Variants in GRIA3 observed in about 807,000 individuals in gnomAD.
GRIA3 encodes glutamate receptor 3.
In GRIA3, 3 loss-of-function variants were observed where a neutral mutation model predicts 63.0. The observed-to-expected ratio is 0.05, with a 90% CI of 0.02 to 0.12. The LOEUF (loss-of-function observed/expected upper bound fraction) is 0.12, where lower values mean the gene tolerates loss of function less well. Ranked by LOEUF, GRIA3 falls within the 10% of genes least tolerant of loss-of-function variation. The pLI, the probability that GRIA3 is intolerant of heterozygous loss-of-function variation, is 1.00. For synonymous variants in GRIA3, 274 were observed against 257.9 expected, an observed-to-expected ratio of 1.06 and a Z score of -0.60; for missense variants, 347 against 700.9, an observed-to-expected ratio of 0.50 and a Z score of 5.70.
chrX:123,443,282 C>T (rs1433991486), intron 12 of GRIA3, among the ~76,000 whole-genome samples: 1 of 112,114 alleles, frequency 8.9e-6, no homozygotes, highest in Admixed American at 9.4e-5. Context: ...GAAAGGTTTA[C>T]AATTTTGATC....
intron 12 of GRIA3, 56 bp downstream of exon 12, chrX:123,428,195 A>C: frequency 1.2e-6 from 1 of 815,861 alleles, no homozygotes. Context: ...ATCTTCTCAC[A>C]AAGGCAAGTT....
intron 5 of GRIA3, among the ~76,000 whole-genome samples, chrX:123,383,649 G>T: frequency 9.0e-6 from 1 of 111,108 alleles, no homozygotes; most frequent in Admixed American, 9.5e-5. Flanking sequence ...TGTCCATTGT[G>T]TGTATATACC....
intron 10 of GRIA3, among the ~76,000 whole-genome samples, chrX:123,412,634 T>C (rs2045513323): frequency 9.0e-6 from 1 of 111,599 alleles, no homozygotes; most frequent in Admixed American, 9.5e-5. Flanking sequence ...AGTTGCTAAG[T>C]CTCCTACCAA....
intron 3 of GRIA3, among the ~76,000 whole-genome samples, chrX:123,279,733 T>G (rs1009698366): frequency 9.0e-6 from 1 of 110,913 alleles, no homozygotes; most frequent in Non-Finnish European, 1.9e-5. Flanking sequence ...CCCAGCAGAA[T>G]AGCACAACAA....
At chrX:123,186,885 A>T (rs1478931776) in intron 2 of GRIA3, among the ~76,000 whole-genome samples, 2 of 112,085 alleles carry the variant, frequency 1.8e-5, no homozygotes, top group Non-Finnish European at 3.8e-5. Flanking sequence ...TATTCCTCTG[A>T]AAAGGGGACA....
chrX:123,288,993 A>T lies in GRIA3; in HGVS notation c.508+35451A>T, dbSNP rs535409436. Among the ~76,000 whole-genome samples the T allele has an allele frequency of 2.6e-3, 294 of 112,212 alleles. 1 individual carries two copies. The highest frequency in any genetic ancestry group is 8.6e-3 in the African/African-American group (265 of 30,868). On this transcript the variant is annotated intron_variant, in intron 3 of 15. Transcript: ENST00000620443. ...ACGTATGTTTATTGCAGCACTATTC[A>T]CAATAGCAAAGACTTGGAACCCACC...
intron 4 of GRIA3, among the ~76,000 whole-genome samples, chrX:123,354,363 C>T (rs2045118735): frequency 8.9e-6 from 1 of 111,915 alleles, no homozygotes; most frequent in South Asian, 3.7e-4. Flanking sequence ...AAAAGATGTA[C>T]AAGCGATTAC....
intron 5 of GRIA3, among the ~76,000 whole-genome samples, chrX:123,367,415 C>G (rs1302709175): frequency 9.1e-6 from 1 of 109,770 alleles, no homozygotes; most frequent in Non-Finnish European, 1.9e-5. Context: ...TGTGGGTTCT[C>G]TCTTTTTTTT....
intron 2 of GRIA3, among the ~76,000 whole-genome samples, chrX:123,232,430 T>A (rs1181280137): frequency 9.0e-6 from 1 of 111,625 alleles, no homozygotes; most frequent in Non-Finnish European, 1.9e-5. Context: ...AGAATGGTGG[T>A]TGCCAGGGGA....
intron 3 of GRIA3, among the ~76,000 whole-genome samples, chrX:123,260,528 GGAAA>G (rs1344575756): frequency 1.5e-4 from 8 of 54,336 alleles, no homozygotes; most frequent in African/African-American, 5.3e-4. Flanking sequence ...AAGAAAGAAA[GGAAA>G]GAAAGAAAGA....
In GRIA3 at chrX:123,291,224, G is replaced by C. The variant is rs1316823666; in HGVS notation, c.509-34802G>C. On this transcript the variant is annotated intron_variant, in intron 3 of 15. Coordinates refer to ENST00000620443, the MANE Select transcript of GRIA3 (RefSeq NM_007325.5). ...GAACTGAATAGCCAGGAACTGAAAA[G>C]CCTTGAAGGTGCTGGAAGCCTGGTA... Among the ~76,000 whole-genome samples the C allele has an allele frequency of 2.7e-5, 3 of 111,480 alleles. No homozygotes were observed. The East Asian group carries it at 8.5e-4, about 31-fold the overall frequency.
intron 15 of GRIA3, among the ~76,000 whole-genome samples, chrX:123,487,331 A>G (rs1334835494): frequency 8.9e-6 from 1 of 112,756 alleles, no homozygotes; most frequent in Non-Finnish European, 1.9e-5. Flanking sequence ...AGACCTCAAC[A>G]TGCCTGAAGT....
At chrX:123,246,893 A>C (rs190345514) in intron 2 of GRIA3, among the ~76,000 whole-genome samples, 5,695 of 109,954 alleles carry the variant, frequency 0.052, 393 homozygotes, top group African/African-American at 0.18. Context: ...AAAAAAAAAA[A>C]ACCACGAGTT....
At chrX:123,364,236 A>C (rs1475327712) in intron 5 of GRIA3, among the ~76,000 whole-genome samples, 2 of 112,115 alleles carry the variant, frequency 1.8e-5, no homozygotes, top group African/African-American at 6.5e-5. Context: ...GGGACCTTAG[A>C]GTCACTTAGC....
At chrX:123,407,105 T>A (rs933839817) in intron 10 of GRIA3, among the ~76,000 whole-genome samples, 12 of 111,802 alleles carry the variant, frequency 1.1e-4, no homozygotes, top group Non-Finnish European at 2.1e-4. Flanking sequence ...TATAATCTTG[T>A]AATATCATTA....
At chrX:123,421,289 A>C (rs1045756959) in intron 11 of GRIA3, among the ~76,000 whole-genome samples, 2 of 112,158 alleles carry the variant, frequency 1.8e-5, no homozygotes, top group Non-Finnish European at 3.8e-5. Context: ...GCTTCTTAGC[A>C]TATTTCTGAT....
At chrX:123,427,445 G>A in intron 11 of GRIA3, among the ~76,000 whole-genome samples, 1 of 111,562 alleles carries the variant, frequency 9.0e-6, no homozygotes, top group Non-Finnish European at 1.9e-5. Context: ...AAAACCATTT[G>A]CTTCTACAGG....
At position 123,294,055 on chromosome X, in the gene GRIA3, T is replaced by TA. The variant is rs10633680; in HGVS notation, c.509-31959dup. ...CCTTGCAACAAAGAGTCCTTGCTAA[T>TA]AAAAAAAAAAAATCTATTGGCTGTT... On this transcript the variant is annotated intron_variant, in intron 3 of 15. Coordinates refer to ENST00000620443, the MANE Select transcript of GRIA3 (RefSeq NM_007325.5). Among the ~76,000 whole-genome samples, 631 of 103,165 alleles carry TA rather than the reference T, an allele frequency of 6.1e-3. 5 individuals are homozygous for TA. The highest frequency in any genetic ancestry group is 0.017 in the African/African-American group (481 of 28,571). 89.6% of individuals were successfully genotyped at this position (103,165 alleles called of 115,157 possible).
At chrX:123,307,346 A>G (rs903474017) in intron 3 of GRIA3, among the ~76,000 whole-genome samples, 7 of 112,131 alleles carry the variant, frequency 6.2e-5, no homozygotes, top group Admixed American at 5.7e-4. Context: ...GGAAGATGAT[A>G]ATAGGAGATA....
Sources: allele counts gnomAD v4.1 joint callset (sites outside exome capture counted in the v4.1 genomes callset), GRCh38; gene constraint gnomAD v4.1.1; transcripts MANE v1.5; gene names NCBI Gene and HGNC (gene_info 2026-07-23, HGNC 2026-07-21).